Variants in PLD1 observed in about 807,000 individuals in gnomAD.
The protein encoded by PLD1 is choline phosphatase 1.
PLD1 carries 112 observed loss-of-function variants against 137.1 expected under a neutral mutation model. The ratio of observed to expected loss-of-function variants is 0.82; its 90% CI spans 0.70 to 0.96. PLD1 has a LOEUF of 0.96. PLD1 is among the 40% of genes least tolerant of loss of function. PLD1 has a pLI of 0.00. For synonymous variants in PLD1, 431 were observed against 454.7 expected (o/e 0.95, Z 0.66); for missense variants, 1,321 against 1,342.0 (o/e 0.98, Z 0.24).
intron 24 of PLD1, among the ~76,000 whole-genome samples, chr3:171,615,904 G>T (rs917913367): frequency 6.6e-6 from 1 of 152,178 alleles, no homozygotes; most frequent in Non-Finnish European, 1.5e-5. Flanking sequence ...AAGCTGCAGG[G>T]TGTATGACTT....
chr3:171,800,212 T>G (rs1275238923), intron 1 of PLD1, among the ~76,000 whole-genome samples: 1 of 152,172 alleles, frequency 6.6e-6, no homozygotes, highest in Non-Finnish European at 1.5e-5. Context: ...TTCTTTATTT[T>G]TTATTTTTAT....
intron 1 of PLD1, among the ~76,000 whole-genome samples, chr3:171,808,960 G>A (rs1723995359): frequency 6.6e-6 from 1 of 151,762 alleles, no homozygotes; most frequent in Admixed American, 6.6e-5. Flanking sequence ...GAGTGGCTGG[G>A]ATTACAGGCG....
intron 23 of PLD1, among the ~76,000 whole-genome samples, chr3:171,639,848 C>CTATATATATATA (rs148607591): frequency 2.1e-4 from 23 of 110,190 alleles, no homozygotes; most frequent in African/African-American, 8.2e-4. Context: ...CTCTCTCTCT[C>CTATATATATATA]TATATATATA....
chr3:171,660,413 A>C (rs567778382), intron 20 of PLD1, among the ~76,000 whole-genome samples: 1 of 152,282 alleles, frequency 6.6e-6, no homozygotes, highest in South Asian at 2.1e-4. Context: ...CAGCAGCTGT[A>C]AACACAGACT....
chr3:171,690,683 T>C (rs969184993), intron 13 of PLD1, among the ~76,000 whole-genome samples: 4 of 152,230 alleles, frequency 2.6e-5, no homozygotes, highest in Non-Finnish European at 5.9e-5. Context: ...TCTAACATTA[T>C]CTTGTGGTCA....
intron 25 of PLD1, among the ~76,000 whole-genome samples, chr3:171,608,520 T>C (rs1184229733): frequency 6.6e-6 from 1 of 152,178 alleles, no homozygotes. Context: ...AAAGTAGTCT[T>C]AAAATGCACA....
chr3:171,697,623 T>A (rs923149477), intron 12 of PLD1, among the ~76,000 whole-genome samples: 1 of 152,176 alleles, frequency 6.6e-6, no homozygotes, highest in Non-Finnish European at 1.5e-5. Flanking sequence ...TCAGATGTGA[T>A]GAACCACCCT....
chr3:171,639,848 C>CTCTCTCTATATATATATATATATATA (rs3050415), intron 23 of PLD1, among the ~76,000 whole-genome samples: 11 of 110,182 alleles, frequency 1.0e-4, no homozygotes, highest in African/African-American at 4.3e-4. Context: ...CTCTCTCTCT[C>CTCTCTCTATATATATATATATATATA]TATATATATA....
chr3:171,617,186 T>C (rs903659109), intron 24 of PLD1, among the ~76,000 whole-genome samples: 2 of 152,218 alleles, frequency 1.3e-5, no homozygotes, highest in Admixed American at 1.3e-4. Flanking sequence ...GTATCCATTG[T>C]TAATTTATAT....
chr3:171,775,346 A>G (rs1395115540), intron 1 of PLD1, among the ~76,000 whole-genome samples: 1 of 152,118 alleles, frequency 6.6e-6, no homozygotes, highest in African/African-American at 2.4e-5. Context: ...TTAATAAAGG[A>G]CATGTATTAC....
In PLD1 at chr3:171,771,825, T is replaced by A. The variant is rs1229944539; in HGVS notation, c.-31-33743A>T. 2.6e-5 allele frequency among the ~76,000 whole-genome samples: 4 copies of A among 152,348 alleles called. No individual in the cohort carries two copies. The East Asian group carries it at 7.7e-4, about 29-fold the overall frequency. ...ACATTGAATAAGCTTAAAAACCTCA[T>A]CAAATCCAACGATTAACATAAGTTC... On this transcript the variant is annotated intron_variant, in intron 1 of 26. Transcript: ENST00000351298.
intron 1 of PLD1, among the ~76,000 whole-genome samples, chr3:171,800,097 T>C (rs1258045677): frequency 1.3e-5 from 2 of 152,262 alleles, no homozygotes; most frequent in East Asian, 3.8e-4. Context: ...ATGTATCATA[T>C]ACCTATGTGA....
chr3:171,763,830 CTTTT>C (rs71178234), intron 1 of PLD1, among the ~76,000 whole-genome samples: 74 of 86,714 alleles, frequency 8.5e-4, no homozygotes, highest in Admixed American at 2.7e-3. Flanking sequence ...TTCTTTCTTT[CTTTT>C]TTTTTTTTTT....
At chr3:171,716,861 TTTTTATAGTTTTAGG>T (rs1717721928) in intron 8 of PLD1, among the ~76,000 whole-genome samples, 1 of 152,098 alleles carries the variant, frequency 6.6e-6, no homozygotes, top group African/African-American at 2.4e-5. Context: ...TCTTCCAGGG[TTTTTATAGTTTTAGG>T]TTTTACATTT....
At chr3:171,693,596 T>G (rs998921216) in intron 12 of PLD1, among the ~76,000 whole-genome samples, 2 of 152,222 alleles carry the variant, frequency 1.3e-5, no homozygotes, top group Non-Finnish European at 2.9e-5. Flanking sequence ...TATTTTTGTA[T>G]AGTTTGCACC....
At chr3:171,635,676 A>G (rs544147978) in intron 23 of PLD1, among the ~76,000 whole-genome samples, 98 of 152,158 alleles carry the variant, frequency 6.4e-4, no homozygotes, top group Middle Eastern at 6.8e-3. Flanking sequence ...CTAGTACCTT[A>G]TACATATGAT....
intron 23 of PLD1, among the ~76,000 whole-genome samples, chr3:171,639,345 G>A (rs1225036879): frequency 8.1e-6 from 1 of 123,806 alleles, no homozygotes; most frequent in Admixed American, 8.9e-5. Flanking sequence ...ATAAATAAAA[G>A]ATATATATGA....
intron 21 of PLD1, among the ~76,000 whole-genome samples, chr3:171,652,556 C>A (rs1736871109): frequency 6.6e-6 from 1 of 151,736 alleles, no homozygotes; most frequent in Non-Finnish European, 1.5e-5. Context: ...AACCCAAGAA[C>A]TTTTAATCTA....
At chr3:171,697,859 A>G (rs961027822) in intron 12 of PLD1, among the ~76,000 whole-genome samples, 1 of 152,188 alleles carries the variant, frequency 6.6e-6, no homozygotes, top group African/African-American at 2.4e-5. Context: ...CAGATTTTAT[A>G]AGCTCCTTCA....
Sources: allele counts gnomAD v4.1 joint callset (sites outside exome capture counted in the v4.1 genomes callset), GRCh38; gene constraint gnomAD v4.1.1; transcripts MANE v1.5; gene names NCBI Gene and HGNC (gene_info 2026-07-23, HGNC 2026-07-21).